The following ARHGAP42 variants were observed in gnomAD, a reference collection of about 807,000 sequenced individuals.
The protein encoded by ARHGAP42 is rho GTPase-activating protein 42.
ARHGAP42 carries 63 observed loss-of-function variants against 125.0 expected under a neutral mutation model. The ratio of observed to expected loss-of-function variants is 0.50; its 90% confidence interval spans 0.41 to 0.62. The LOEUF (loss-of-function observed/expected upper bound fraction) is 0.62, where lower values mean the gene tolerates loss of function less well. ARHGAP42 is among the 20% of genes least tolerant of loss of function. ARHGAP42 has a pLI of 0.00. For synonymous variants in ARHGAP42, 339 were observed against 351.0 expected (o/e 0.97, Z 0.38); for missense variants, 766 against 1,024.2 (o/e 0.75, Z 3.44).
chr11:100,987,158 A>C (rs1858699909), intron 22 of ARHGAP42, among the ~76,000 whole-genome samples: 1 of 152,192 alleles, frequency 6.6e-6, no homozygotes, highest in Non-Finnish European at 1.5e-5. Context: ...TGGGGTACCT[A>C]GGAACCTTCG....
intron 3 of ARHGAP42, among the ~76,000 whole-genome samples, chr11:100,841,490 T>C (rs1864946451): frequency 6.6e-6 from 1 of 152,168 alleles, no homozygotes; most frequent in Admixed American, 6.6e-5. Context: ...AAATGTGGAA[T>C]CAGTTGAGTT....
intron 1 of ARHGAP42, among the ~76,000 whole-genome samples, chr11:100,710,487 G>A (rs150036452): frequency 0.061 from 9,008 of 148,310 alleles, 388 homozygotes; most frequent in East Asian, 0.21. Context: ...TGCCCACCTC[G>A]GCCTCCCAAA....
At chr11:100,694,924 A>G (rs1861249422) in intron 1 of ARHGAP42, among the ~76,000 whole-genome samples, 1 of 152,224 alleles carries the variant, frequency 6.6e-6, no homozygotes, top group African/African-American at 2.4e-5. Flanking sequence ...ACAGCTACTC[A>G]GGAGGCTGAG....
chr11:100,946,511 T>A (rs1485789037), intron 10 of ARHGAP42, among the ~76,000 whole-genome samples: 1 of 152,106 alleles, frequency 6.6e-6, no homozygotes, highest in Non-Finnish European at 1.5e-5. Flanking sequence ...GACATGTGAA[T>A]CTTCCTTTCC....
chr11:100,705,012 AC>A (rs1329184938), intron 1 of ARHGAP42, among the ~76,000 whole-genome samples: 5 of 107,670 alleles, frequency 4.6e-5, no homozygotes, highest in Non-Finnish European at 9.1e-5. Flanking sequence ...AACAACAACA[AC>A]AAAAAAAAAA....
intron 12 of ARHGAP42, among the ~76,000 whole-genome samples, chr11:100,954,145 T>A (rs911275696): frequency 3.3e-5 from 5 of 152,102 alleles, no homozygotes; most frequent in Non-Finnish European, 7.4e-5. Context: ...CTGAGCCTTG[T>A]CCCCATTCAA....
In ARHGAP42 at chr11:100,806,400, G is replaced by C. The variant is rs1863990355; in HGVS notation, c.312+11234G>C. Reference sequence around the variant, plus strand: ...GTTTCTGGCTTTGGTGCTGTTATATGCTTAAGTGCGATTATCTGTGAAGTA... The same window carrying C: ...GTTTCTGGCTTTGGTGCTGTTATATCCTTAAGTGCGATTATCTGTGAAGTA... On this transcript the variant is annotated intron_variant, in intron 3 of 23. Coordinates refer to ENST00000298815, the MANE Select transcript of ARHGAP42 (RefSeq NM_152432.4). Among the ~76,000 whole-genome samples, 6 of 152,100 alleles carry C rather than the reference G, an allele frequency of 3.9e-5. 1 individual carries two copies. In the South Asian group the frequency reaches 1.2e-3, roughly 31 times the overall value.
chr11:100,844,807 G>A (rs1340674541), intron 3 of ARHGAP42, among the ~76,000 whole-genome samples: 1 of 152,142 alleles, frequency 6.6e-6, no homozygotes, highest in Non-Finnish European at 1.5e-5. Context: ...TGATTTGGAT[G>A]CAGTGAACAG....
intron 23 of ARHGAP42, among the ~76,000 whole-genome samples, chr11:100,988,015 CT>C (rs1233479321): frequency 6.6e-6 from 1 of 152,062 alleles, no homozygotes; most frequent in Admixed American, 6.5e-5. Context: ...GTAGTCCTAG[CT>C]ACTCTGGAGG....
chr11:100,736,816 G>A (rs1433827664), intron 1 of ARHGAP42, among the ~76,000 whole-genome samples: 2 of 151,914 alleles, frequency 1.3e-5, no homozygotes, highest in African/African-American at 4.8e-5. Context: ...CTTCTGTTAA[G>A]AAAGAAAAAA....
intron 11 of ARHGAP42, among the ~76,000 whole-genome samples, chr11:100,949,442 A>T (rs1868115114): frequency 6.6e-6 from 1 of 152,150 alleles, no homozygotes; most frequent in African/African-American, 2.4e-5. Flanking sequence ...TGAATAATAG[A>T]TTTAAAAGAA....
chr11:100,896,215 G>T (rs2135200017), intron 4 of ARHGAP42, among the ~76,000 whole-genome samples: 1 of 151,348 alleles, frequency 6.6e-6, no homozygotes, highest in East Asian at 1.9e-4. Flanking sequence ...GTGTATGTGT[G>T]CCACATTTTC....
At chr11:100,790,464 ATTTTG>A (rs1863539427) in intron 2 of ARHGAP42, among the ~76,000 whole-genome samples, 1 of 152,206 alleles carries the variant, frequency 6.6e-6, no homozygotes, top group Non-Finnish European at 1.5e-5. Flanking sequence ...ATGAAACTAT[ATTTTG>A]ATTGTTCTTT....
chr11:100,838,540 A>G lies in ARHGAP42; in HGVS notation c.313-21014A>G, dbSNP rs753068998. Among the ~76,000 whole-genome samples, 74 of 152,114 alleles carry G rather than the reference A, an allele frequency of 4.9e-4. No individual in the cohort carries two copies. In the Middle Eastern group the frequency reaches 0.01, roughly 21 times the overall value. On this transcript the variant is annotated intron_variant, in intron 3 of 23. Coordinates refer to ENST00000298815, the MANE Select transcript of ARHGAP42 (RefSeq NM_152432.4). The stretch of plus-strand genomic sequence containing the variant: ...TGGGTAATGGTGAGACCTTGCCTCT[A>G]CAAAAAATCAAAAAAATTAGCCAGG...
intron 2 of ARHGAP42, among the ~76,000 whole-genome samples, chr11:100,774,007 T>G (rs1215208093): frequency 1.3e-5 from 2 of 152,176 alleles, no homozygotes; most frequent in East Asian, 3.9e-4. Context: ...GCAAAATGAC[T>G]TACAAGTATA....
intron 3 of ARHGAP42, among the ~76,000 whole-genome samples, chr11:100,827,205 G>A (rs1864539849): frequency 6.6e-6 from 1 of 152,030 alleles, no homozygotes; most frequent in African/African-American, 2.4e-5. Context: ...GTTTCACAAT[G>A]TTGGCCAGGC....
At chr11:100,962,980 T>A (rs1037457689) in intron 16 of ARHGAP42, among the ~76,000 whole-genome samples, 6 of 152,242 alleles carry the variant, frequency 3.9e-5, no homozygotes, top group African/African-American at 2.4e-5. Context: ...ATTTTGACAC[T>A]TAGTGAGACC....
At chr11:100,774,384 C>G (rs543749399) in intron 2 of ARHGAP42, among the ~76,000 whole-genome samples, 1 of 152,310 alleles carries the variant, frequency 6.6e-6, no homozygotes, top group East Asian at 1.9e-4. Flanking sequence ...CCAACGACTT[C>G]TTTATTGCTC....
At chr11:100,894,865 G>A (rs1358023683) in intron 4 of ARHGAP42, among the ~76,000 whole-genome samples, 3 of 152,162 alleles carry the variant, frequency 2.0e-5, no homozygotes, top group Non-Finnish European at 2.9e-5. Flanking sequence ...CTTTCTAACT[G>A]TTGATATTCC....
Sources: gnomAD v4.1 joint callset for allele counts (sites outside exome capture counted in the v4.1 genomes callset) on GRCh38, gnomAD v4.1.1 for gene constraint, MANE v1.5 for transcripts, NCBI Gene and HGNC (gene_info 2026-07-23, HGNC 2026-07-21) for gene names.